Variants in STRN3 observed in about 807,000 individuals in gnomAD.
The protein encoded by STRN3 is striatin-3.
Under a neutral mutation model 95.6 loss-of-function variants are expected in STRN3, and 29 were observed. The ratio of observed to expected loss-of-function variants is 0.30; its 90% CI spans 0.23 to 0.41. The LOEUF is 0.41. Among genes scored for constraint, STRN3 ranks in the 10% least tolerant of loss-of-function variants. STRN3 has a pLI of 1.00. For missense variants in STRN3, 890 were observed against 972.1 expected (o/e 0.92, Z 1.12); for synonymous variants, 331 against 357.6 (o/e 0.93, Z 0.84).
chr14:30,946,979 C>CAAAAAA, intron 5 of STRN3, 111 bp downstream of exon 5: 2 of 441,552 alleles, frequency 4.5e-6, no homozygotes, highest in Non-Finnish European at 3.2e-6. Flanking sequence ...GACTCCGTGT[C>CAAAAAA]AAAAAAAAAA....
intron 5 of STRN3, 109 bp downstream of exon 5, chr14:30,946,979 CAA>C (rs569011885): frequency 0.046 from 20,080 of 433,492 alleles, no homozygotes; most frequent in South Asian, 0.059. Flanking sequence ...GACTCCGTGT[CAA>C]AAAAAAAAAA....
At chr14:30,913,778 C>A (rs1034091002) in intron 9 of STRN3, 121 bp from the exon 10 acceptor site, 85 of 1,205,898 alleles carry the variant, frequency 7.0e-5, no homozygotes, top group Non-Finnish European at 9.1e-5. Flanking sequence ...TTTTTATTTT[C>A]CCACTTCTAC....
intron 1 of STRN3, among the ~76,000 whole-genome samples, chr14:30,972,947 G>A (rs1594520935): frequency 3.3e-5 from 5 of 152,326 alleles, no homozygotes; most frequent in African/African-American, 4.8e-5. Context: ...GCGGGCTCAC[G>A]CCTGTAATCC....
chr14:30,979,033 C>CAAA (rs10585744), intron 1 of STRN3, among the ~76,000 whole-genome samples: 6 of 65,474 alleles, frequency 9.2e-5, no homozygotes, highest in African/African-American at 2.7e-4. Context: ...GACTCCATCT[C>CAAA]AAAAAAAAAA....
At chr14:30,944,493 C>T (rs1312738355) in intron 5 of STRN3, among the ~76,000 whole-genome samples, 1 of 146,372 alleles carries the variant, frequency 6.8e-6, no homozygotes, top group Admixed American at 6.9e-5. Flanking sequence ...AATATATACA[C>T]ATATATATAC....
intron 1 of STRN3, among the ~76,000 whole-genome samples, chr14:31,001,908 G>A (rs7158988): frequency 0.056 from 8,536 of 152,024 alleles, 428 homozygotes; most frequent in East Asian, 0.21. Flanking sequence ...GCTCATGCCT[G>A]TAATCCCAGC....
At position 30,905,480 on chromosome 14, in the gene STRN3, G is replaced by A; in HGVS notation, c.1967C>T (p.Ala656Val). Residue 656 changes from alanine to valine, a missense_variant, in exon 15 of 18, where the codon GCA (alanine) becomes GTA (valine). This residue lies in a region of STRN3 where 357 missense variants were observed against 422.8 expected (regional missense o/e 0.84). Transcript: ENST00000357479. ...TGATGTTTCTAAATCATAAATTACT[G>A]CACTACCAGTGTTGAAAGAGGTTAC... ...HMVTSFNTGS[A>V]VIYDLETSQS... 1 of 1,609,960 alleles carries A rather than the reference G, an allele frequency of 6.2e-7. No individual in the cohort carries two copies. The highest frequency in any genetic ancestry group is 8.5e-7 in the Non-Finnish European group (1 of 1,178,364).
At position 30,912,751 on chromosome 14, in the gene STRN3, C is replaced by T. The variant is rs74040942; in HGVS notation, c.1375-569G>A. ...TCTGTAAAGATAGGCTGTGAAACCA[C>T]TTCTAAAGCAGTCAAAAGTTTACTG... On this transcript the variant is annotated intron_variant, in intron 10 of 17. Coordinates refer to ENST00000357479, the MANE Select transcript of STRN3 (RefSeq NM_001083893.2). Among the ~76,000 whole-genome samples, 576 of 152,196 alleles carry T rather than the reference C, an allele frequency of 3.8e-3. 2 individuals carry two copies. Among genetic ancestry groups the T allele is most frequent in the African/African-American group, 0.013 (541 of 41,530 alleles).
chr14:30,956,260 G>A lies in STRN3; in HGVS notation c.283-18C>T. 1 of 1,603,034 alleles carries A rather than the reference G, an allele frequency of 6.2e-7. No individual in the cohort carries two copies. Among genetic ancestry groups the A allele is most frequent in the Non-Finnish European group, 8.5e-7 (1 of 1,170,990 alleles). Reference sequence around the variant, plus strand: ...ATCCGGGCCTAAAAATATAAAAGATGCATTTATTTACATTTTCCCTTAACC... The same window carrying A: ...ATCCGGGCCTAAAAATATAAAAGATACATTTATTTACATTTTCCCTTAACC... On this transcript the variant is annotated intron_variant, in intron 1 of 17. Transcript: ENST00000357479.
At chr14:30,902,444 T>A (rs574908442) in intron 16 of STRN3, 92 bp downstream of exon 16, 1 of 815,816 alleles carries the variant, frequency 1.2e-6, no homozygotes, top group East Asian at 3.0e-5. Context: ...CAATTTCGTA[T>A]CTGAAAAGTC....
intron 7 of STRN3, among the ~76,000 whole-genome samples, chr14:30,934,663 G>A (rs76078212): frequency 0.096 from 14,649 of 151,922 alleles, 770 homozygotes; most frequent in South Asian, 0.16. Context: ...ATTAAATTGT[G>A]CTCAATATAG....
intron 1 of STRN3, among the ~76,000 whole-genome samples, chr14:30,967,052 C>T (rs531284043): frequency 1.3e-5 from 2 of 152,102 alleles, no homozygotes; most frequent in South Asian, 2.1e-4. Flanking sequence ...TTGAGGCTTC[C>T]GGGACACACA....
chr14:30,961,592 G>A (rs1400054705), intron 1 of STRN3, among the ~76,000 whole-genome samples: 2 of 152,182 alleles, frequency 1.3e-5, no homozygotes, highest in East Asian at 1.9e-4. Context: ...ATTATGTACA[G>A]TGCTCAATAC....
At chr14:30,896,077 G>A (rs1182535013) in intron 16 of STRN3, among the ~76,000 whole-genome samples, 5 of 152,088 alleles carry the variant, frequency 3.3e-5, no homozygotes, top group African/African-American at 1.2e-4. Flanking sequence ...CTATAGACTG[G>A]CCTATTCTGG....
At chr14:30,916,706 A>T (rs537585809) in intron 9 of STRN3, among the ~76,000 whole-genome samples, 10 of 152,330 alleles carry the variant, frequency 6.6e-5, no homozygotes, top group African/African-American at 2.4e-4. Flanking sequence ...CTGGAATTAC[A>T]GGCATGAGCT....
chr14:30,916,608 T>C (rs1051546585), intron 9 of STRN3, among the ~76,000 whole-genome samples: 2 of 152,144 alleles, frequency 1.3e-5, no homozygotes, highest in African/African-American at 2.4e-5. Flanking sequence ...TCTTTTTTTT[T>C]CTAATAGAGA....
chr14:30,907,276 T>C (rs912982038), intron 13 of STRN3, among the ~76,000 whole-genome samples: 1 of 151,580 alleles, frequency 6.6e-6, no homozygotes, highest in Non-Finnish European at 1.5e-5. Context: ...TAAAGAAACA[T>C]ATGCTTTTTT....
chr14:30,908,812 A>G (rs1200361116), intron 13 of STRN3, among the ~76,000 whole-genome samples: 1 of 152,168 alleles, frequency 6.6e-6, no homozygotes, highest in Admixed American at 6.5e-5. Flanking sequence ...TTCTTACACC[A>G]AACAATACAC....
chr14:30,978,060 T>C (rs1000946894), intron 1 of STRN3, among the ~76,000 whole-genome samples: 32 of 152,302 alleles, frequency 2.1e-4, no homozygotes, highest in Middle Eastern at 3.4e-3. Flanking sequence ...AGATGGGCTC[T>C]AGGGTGAATT....
Sources: gnomAD v4.1 joint callset for allele counts (sites outside exome capture counted in the v4.1 genomes callset) on GRCh38, gnomAD v4.1.1 for gene constraint, gnomAD v4.1.1 regional missense constraint, MANE v1.5 for transcripts, NCBI Gene and HGNC (gene_info 2026-07-23, HGNC 2026-07-21) for gene names.